Variants in C14orf132 observed in about 807,000 individuals in gnomAD.
The protein encoded by C14orf132 is chromosome 14 open reading frame 132.
In C14orf132, 6 loss-of-function variants were observed where a neutral mutation model predicts 5.8. The ratio of observed to expected loss-of-function variants is 1.03; its 90% CI spans 0.57 to 2.04. The LOEUF (loss-of-function observed/expected upper bound fraction) is 2.04. Ranked by LOEUF, C14orf132 falls within the 30% of genes most tolerant of loss-of-function variation. The pLI is 0.00. For synonymous variants in C14orf132, 51 were observed against 49.8 expected (o/e 1.02, Z -0.10); for missense variants, 125 against 115.8 (o/e 1.08, Z -0.37).
chr14:96,083,180 T>G (rs888604611), intron 1 of C14orf132, among the ~76,000 whole-genome samples: 1 of 152,222 alleles, frequency 6.6e-6, no homozygotes, highest in Admixed American at 6.5e-5. Flanking sequence ...GATTTCAAGT[T>G]CATTAATTCT....
At chr14:96,067,430 C>T (rs1887564027) in intron 1 of C14orf132, among the ~76,000 whole-genome samples, 1 of 152,084 alleles carries the variant, frequency 6.6e-6, no homozygotes, top group Non-Finnish European at 1.5e-5. Flanking sequence ...CAAACATGAA[C>T]ATTGCTCTAA....
intron 1 of C14orf132, among the ~76,000 whole-genome samples, chr14:96,062,887 T>A (rs1476081750): frequency 6.6e-6 from 1 of 152,110 alleles, no homozygotes; most frequent in Non-Finnish European, 1.5e-5. Flanking sequence ...AGGTTACTTA[T>A]GGAGCATAAT....
chr14:96,059,934 A>G (rs1887297835), intron 1 of C14orf132, among the ~76,000 whole-genome samples: 1 of 152,192 alleles, frequency 6.6e-6, no homozygotes, highest in African/African-American at 2.4e-5. Context: ...CTGGGCCCGA[A>G]ATGCATCTTC....
chr14:96,088,005 A>G lies in C14orf132; in HGVS notation c.*1270A>G, dbSNP rs911034299. The stretch of plus-strand genomic sequence containing the variant: ...GCATCCCAGTGCAGATAGAGTGGGA[A>G]AGGTCCCAGAAGGGGGCTCACTCAC... On this transcript the variant is annotated 3_prime_UTR_variant, in exon 2 of 2. Coordinates refer to ENST00000555004, the MANE Select transcript of C14orf132 (RefSeq NM_001252507.3). 6 of 147,902 alleles carry G rather than the reference A, an allele frequency of 4.1e-5. No individual in the cohort carries two copies. Among genetic ancestry groups the G allele is most frequent in the Non-Finnish European group, 7.5e-5 (5 of 67,024 alleles). The allele number at this position is 147,902 out of a possible 1,614,324, so 9.2% of individuals were successfully genotyped here.
At chr14:96,079,655 C>T (rs893121473) in intron 1 of C14orf132, among the ~76,000 whole-genome samples, 1 of 151,822 alleles carries the variant, frequency 6.6e-6, no homozygotes, top group Non-Finnish European at 1.5e-5. Flanking sequence ...TCTGTCCAGC[C>T]TTTATGTTTA....
chr14:96,059,033 G>A (rs1378545426), intron 1 of C14orf132, among the ~76,000 whole-genome samples: 5 of 152,202 alleles, frequency 3.3e-5, no homozygotes, highest in African/African-American at 9.6e-5. Flanking sequence ...AGGCTGAGGC[G>A]GGCAGATTGC....
intron 1 of C14orf132, among the ~76,000 whole-genome samples, chr14:96,062,359 C>T (rs747592309): frequency 6.6e-6 from 1 of 152,124 alleles, no homozygotes; most frequent in Non-Finnish European, 1.5e-5. Flanking sequence ...CCTCTTTCAC[C>T]CTCAACCATG....
intron 1 of C14orf132, among the ~76,000 whole-genome samples, chr14:96,041,599 A>G (rs894967408): frequency 6.6e-6 from 1 of 152,154 alleles, no homozygotes; most frequent in African/African-American, 2.4e-5. Context: ...GGGAACTGTT[A>G]CTTCCCTACC....
In C14orf132 at chr14:96,093,676, T is replaced by G. The variant is rs897258091; in HGVS notation, c.*6941T>G. ...GGTATTTTAACTATTCTTGGAGTCC[T>G]TTGCTACCCAAGCACCTGGTTTCAC... On this transcript the variant is annotated 3_prime_UTR_variant, in exon 2 of 2. Transcript: ENST00000555004. 1 of 152,312 alleles carries G rather than the reference T, an allele frequency of 6.6e-6. No homozygotes were observed. The highest frequency in any genetic ancestry group is 6.5e-5 in the Admixed American group (1 of 15,292). The allele number at this position is 152,312 out of a possible 1,614,324, so 9.4% of individuals were successfully genotyped here. A position where few individuals can be genotyped will look rare whatever the true frequency, so the allele number is the denominator to read the frequency against.
rs1007669589 is a variant in C14orf132 at position 96,092,354 on chromosome 14, C to T, written c.*5619C>T. ...GTCCTTTTTCAAGCTGATTTCCTGC[C>T]TCCCCAAGAGGAGGTTTGAGCCCCA... On this transcript the variant is annotated 3_prime_UTR_variant, in exon 2 of 2. Transcript: ENST00000555004. The T allele has an allele frequency of 6.6e-6, 1 of 152,188 alleles. No individual in the cohort carries two copies. Among genetic ancestry groups the T allele is most frequent in the African/African-American group, 2.4e-5 (1 of 41,440 alleles). 9.4% of individuals were successfully genotyped at this position (152,188 alleles called of 1,614,324 possible).
intron 1 of C14orf132, among the ~76,000 whole-genome samples, chr14:96,041,456 G>A (rs914865497): frequency 1.1e-4 from 16 of 152,214 alleles, no homozygotes; most frequent in African/African-American, 3.9e-4. Flanking sequence ...AGAAAGATAC[G>A]ATGTAAGGTA....
In C14orf132 at chr14:96,086,499, C is replaced by A. The variant is rs1252261538; in HGVS notation, c.28-12C>A. 3.9e-6 allele frequency: 6 copies of A among 1,535,856 alleles called. No individual in the cohort carries two copies. In the East Asian group the frequency reaches 1.2e-4, roughly 31 times the overall value. ...CATGGCCCTGGATAATTCTCTCTCT[C>A]CTTCTTTGCAGCTGCCCATGATGGG... On this transcript the variant is annotated splice_polypyrimidine_tract_variant and intron_variant, in intron 1 of 1. Coordinates refer to ENST00000555004, the MANE Select transcript of C14orf132 (RefSeq NM_001252507.3).
At chr14:96,055,428 A>G (rs1887153038) in intron 1 of C14orf132, among the ~76,000 whole-genome samples, 1 of 152,178 alleles carries the variant, frequency 6.6e-6, no homozygotes, top group South Asian at 2.1e-4. Context: ...CCACATCTTG[A>G]AAAGATAGTC....
rs988601944 is a variant in C14orf132, at chr14:96,087,951, A to G, written c.*1216A>G. The G allele has an allele frequency of 5.6e-5, 4 of 71,984 alleles. No individual in the cohort carries two copies. The highest frequency in any genetic ancestry group is 8.5e-5 in the Non-Finnish European group (3 of 35,470). 4.5% of individuals were successfully genotyped at this position (71,984 alleles called of 1,614,324 possible). A position where few individuals can be genotyped will look rare whatever the true frequency, so the allele number is the denominator to read the frequency against. ...ATCTTATTGCACAGGAACCACCCCC[A>G]CCCCCACCCCCCACACCTTCCCAAG... is the stretch of plus-strand genomic sequence containing the variant. On this transcript the variant is annotated 3_prime_UTR_variant, in exon 2 of 2. Transcript: ENST00000555004.
chr14:96,062,439 T>C (rs971096891), intron 1 of C14orf132, among the ~76,000 whole-genome samples: 3 of 152,182 alleles, frequency 2.0e-5, no homozygotes, highest in African/African-American at 7.2e-5. Context: ...CAATGGATCT[T>C]CGTGTTTTCC....
intron 1 of C14orf132, among the ~76,000 whole-genome samples, chr14:96,051,785 G>T (rs558322966): frequency 1.3e-5 from 2 of 152,178 alleles, no homozygotes; most frequent in African/African-American, 2.4e-5. Flanking sequence ...AGGGCCAGCC[G>T]TGCAGGCAGG....
At chr14:96,081,962 T>C (rs1466233724) in intron 1 of C14orf132, among the ~76,000 whole-genome samples, 1 of 152,176 alleles carries the variant, frequency 6.6e-6, no homozygotes, top group African/African-American at 2.4e-5. Flanking sequence ...TCTCCTCCGA[T>C]AGGGAAACAA....
rs914049221 is a variant in C14orf132 at position 96,088,874 on chromosome 14, C to G, written c.*2139C>G. 2 of 152,302 alleles carry G rather than the reference C, an allele frequency of 1.3e-5. No individual in the cohort carries two copies. The highest frequency in any genetic ancestry group is 2.9e-5 in the Non-Finnish European group (2 of 68,092). The allele number at this position is 152,302 out of a possible 1,614,324, so 9.4% of individuals were successfully genotyped here. On this transcript the variant is annotated 3_prime_UTR_variant, in exon 2 of 2. Coordinates refer to ENST00000555004, the MANE Select transcript of C14orf132 (RefSeq NM_001252507.3). ...AGCCCTGAAGAGGACTCCAGCATCC[C>G]AGGCACCGGGTGCTTCTGGCTGCAG...
chr14:96,045,507 G>C (rs1009776217), intron 1 of C14orf132, among the ~76,000 whole-genome samples: 10 of 152,312 alleles, frequency 6.6e-5, no homozygotes, highest in African/African-American at 2.4e-4. Flanking sequence ...CTCATGGAGT[G>C]GAGTTGGATG....
Sources: gnomAD v4.1 joint callset for allele counts (sites outside exome capture counted in the v4.1 genomes callset) on GRCh38, gnomAD v4.1.1 for gene constraint, MANE v1.5 for transcripts, NCBI Gene and HGNC (gene_info 2026-07-23, HGNC 2026-07-21) for gene names.